C12orf75: variants seen among roughly 807,000 people sequenced by gnomAD.
The protein encoded by C12orf75 is overexpressed in colon carcinoma 1 protein.
Under a neutral mutation model 11.4 loss-of-function variants are expected in C12orf75, and 4 were observed. That is an observed-to-expected ratio of 0.35 (90% CI 0.17 to 0.80). C12orf75 has a LOEUF of 0.80. Among genes scored for constraint, C12orf75 ranks in the 30% least tolerant of loss-of-function variants. The probability of loss-of-function intolerance (pLI) is 0.52; values close to 1 mark genes in which losing one functional copy is unlikely to be tolerated. For synonymous variants in C12orf75, 30 were observed against 30.0 expected (o/e 1.00, Z 0.00); for missense variants, 89 against 80.4 (o/e 1.11, Z -0.41).
chr12:105,363,526 A>T (rs759880149), intron 2 of C12orf75, among the ~76,000 whole-genome samples: 16 of 152,174 alleles, frequency 1.1e-4, no homozygotes, highest in Non-Finnish European at 1.3e-4. Context: ...GGAGATCAAG[A>T]CCATCCTGGC....
At chr12:105,368,792 A>G (rs1393414178) in intron 5 of C12orf75, among the ~76,000 whole-genome samples, 1 of 152,180 alleles carries the variant, frequency 6.6e-6, no homozygotes, top group African/African-American at 2.4e-5. Context: ...ATCTGTGGGT[A>G]GCTACTTCTT....
At chr12:105,344,699 T>G (rs1230440047) in intron 1 of C12orf75, among the ~76,000 whole-genome samples, 2 of 151,494 alleles carry the variant, frequency 1.3e-5, no homozygotes, top group Non-Finnish European at 2.9e-5. Flanking sequence ...TGAGCCAAGA[T>G]TGTGCTGCCG....
intron 2 of C12orf75, among the ~76,000 whole-genome samples, chr12:105,361,525 C>G (rs1019152188): frequency 6.6e-6 from 1 of 152,130 alleles, no homozygotes; most frequent in South Asian, 2.1e-4. Flanking sequence ...GGAAATGAGT[C>G]CCCCCACCAG....
rs760412410 is a variant in C12orf75 at position 105,367,527 on chromosome 12, A to G, written c.*33+18A>G. 31 of 689,282 alleles carry G rather than the reference A, an allele frequency of 4.5e-5. No homozygotes were observed. The African/African-American group carries it at 5.6e-4, about 12-fold the overall frequency. The allele number at this position is 689,282 out of a possible 1,614,324, so 42.7% of individuals were successfully genotyped here. A position where few individuals can be genotyped will look rare whatever the true frequency, so the allele number is the denominator to read the frequency against. ...ATCAAGAGGTGCTGTATATTTTTCT[A>G]AATAATTCTATATATTTAGACTTAT... On this transcript the variant is annotated intron_variant, in intron 5 of 5. Transcript: ENST00000443585.
intron 1 of C12orf75, among the ~76,000 whole-genome samples, chr12:105,340,150 G>T (rs1211360980): frequency 1.3e-5 from 2 of 152,028 alleles, no homozygotes; most frequent in Non-Finnish European, 2.9e-5. Flanking sequence ...TGCAGGTGGG[G>T]CGTGGTGGCT....
chr12:105,355,548 T>C (rs1484261594), intron 2 of C12orf75, among the ~76,000 whole-genome samples: 2 of 152,180 alleles, frequency 1.3e-5, no homozygotes, highest in South Asian at 2.1e-4. Context: ...TCTTTGGTGC[T>C]CTGGGGACAG....
intron 1 of C12orf75, among the ~76,000 whole-genome samples, chr12:105,343,585 G>T (rs1331101645): frequency 6.6e-6 from 1 of 152,152 alleles, no homozygotes; most frequent in South Asian, 2.1e-4. Flanking sequence ...TAATTAAAAG[G>T]TTGCAGTGAG....
intron 2 of C12orf75, among the ~76,000 whole-genome samples, chr12:105,350,310 C>T (rs1374472356): frequency 1.3e-5 from 2 of 152,210 alleles, no homozygotes; most frequent in African/African-American, 4.8e-5. Flanking sequence ...AGCCTCAAAC[C>T]GACTGGCTCG....
intron 1 of C12orf75, among the ~76,000 whole-genome samples, chr12:105,333,132 C>G (rs956838020): frequency 2.6e-5 from 4 of 152,166 alleles, no homozygotes; most frequent in Non-Finnish European, 5.9e-5. Flanking sequence ...GTTATTGCAT[C>G]ACCTCTTTGA....
At chr12:105,341,162 A>G (rs1258946271) in intron 1 of C12orf75, among the ~76,000 whole-genome samples, 2 of 152,374 alleles carry the variant, frequency 1.3e-5, no homozygotes, top group East Asian at 1.9e-4. Context: ...TACCTGGAGT[A>G]TAAATAATTC....
At chr12:105,354,671 C>A (rs1407207798) in intron 2 of C12orf75, among the ~76,000 whole-genome samples, 3 of 151,908 alleles carry the variant, frequency 2.0e-5, no homozygotes, top group Non-Finnish European at 4.4e-5. Flanking sequence ...ATATTGAGGG[C>A]CTTGCTGTGG....
At chr12:105,341,928 C>T (rs985901920) in intron 1 of C12orf75, among the ~76,000 whole-genome samples, 2 of 152,236 alleles carry the variant, frequency 1.3e-5, no homozygotes, top group Admixed American at 6.5e-5. Flanking sequence ...CCTGCACAAG[C>T]TCTCTTGCCT....
rs1225342538 is a variant in C12orf75 at position 105,349,604 on chromosome 12, G to T, written c.71+978G>T. Among the ~76,000 whole-genome samples the T allele has an allele frequency of 1.3e-5, 2 of 152,220 alleles. 1 individual carries two copies. The highest frequency in any genetic ancestry group is 4.8e-5 in the African/African-American group (2 of 41,470). On this transcript the variant is annotated intron_variant, in intron 2 of 5. Coordinates refer to ENST00000443585, the MANE Select transcript of C12orf75 (RefSeq NM_001145199.2). ...AAATACCAAAAATAGGGCCAGGTAT[G>T]GTGGCGCATGCCTGTAATCCCAGCA... is the stretch of plus-strand genomic sequence containing the variant.
chr12:105,344,753 A>G (rs76367499), intron 1 of C12orf75, among the ~76,000 whole-genome samples: 1 of 138,588 alleles, frequency 7.2e-6, no homozygotes, highest in East Asian at 1.9e-4. Context: ...GTCAAAAAAA[A>G]AAAAAAAAAA....
At chr12:105,343,925 A>G (rs1238260790) in intron 1 of C12orf75, among the ~76,000 whole-genome samples, 3 of 152,040 alleles carry the variant, frequency 2.0e-5, no homozygotes, top group Non-Finnish European at 2.9e-5. Flanking sequence ...CACCCCTACC[A>G]TTGCAGTTAT....
At chr12:105,338,962 T>C in intron 1 of C12orf75, among the ~76,000 whole-genome samples, 1 of 152,224 alleles carries the variant, frequency 6.6e-6, no homozygotes, top group East Asian at 1.9e-4. Context: ...AGAGCTTCCA[T>C]TTTCATTGAC....
At chr12:105,339,519 G>T (rs1054753363) in intron 1 of C12orf75, among the ~76,000 whole-genome samples, 1 of 151,216 alleles carries the variant, frequency 6.6e-6, no homozygotes, top group African/African-American at 2.4e-5. Flanking sequence ...ATTTACCTGT[G>T]AATATTTCTA....
At position 105,370,830 on chromosome 12, in the gene C12orf75, C is replaced by A; in HGVS notation, c.*230C>A. On this transcript the variant is annotated 3_prime_UTR_variant, in exon 6 of 6. Coordinates refer to ENST00000443585, the MANE Select transcript of C12orf75 (RefSeq NM_001145199.2). ...ACAGTACACTTGTTTATGGAACTTTCTGTGGCCACCTACGAAAGACAAGTT... is the reference window on the plus strand; with the variant it reads ...ACAGTACACTTGTTTATGGAACTTTATGTGGCCACCTACGAAAGACAAGTT... The A allele has an allele frequency of 2.5e-6, 1 of 401,972 alleles. No individual in the cohort carries two copies. Among genetic ancestry groups the A allele is most frequent in the South Asian group, 1.8e-5 (1 of 54,290 alleles). The allele number at this position is 401,972 out of a possible 1,614,324, so 24.9% of individuals were successfully genotyped here.
intron 2 of C12orf75, among the ~76,000 whole-genome samples, chr12:105,363,863 A>T (rs1449231209): frequency 2.0e-5 from 3 of 152,188 alleles, no homozygotes; most frequent in Admixed American, 1.3e-4. Flanking sequence ...CCAGTTATAC[A>T]TGTAAGGTTG....
Sources: allele counts gnomAD v4.1 joint callset (sites outside exome capture counted in the v4.1 genomes callset), GRCh38; gene constraint gnomAD v4.1.1; transcripts MANE v1.5; gene names NCBI Gene and HGNC (gene_info 2026-07-23, HGNC 2026-07-21).